MLLT3: variants seen among roughly 807,000 people sequenced by gnomAD.
MLLT3 encodes protein AF-9.
Under a neutral mutation model 53.2 loss-of-function variants are expected in MLLT3, and 4 were observed. The observed-to-expected ratio is 0.08, with a 90% CI of 0.04 to 0.17. The LOEUF is 0.17. Ranked by LOEUF, MLLT3 falls within the 10% of genes least tolerant of loss-of-function variation. The pLI is 1.00. For missense variants in MLLT3, 569 were observed against 684.0 expected (o/e 0.83, Z 1.87); for synonymous variants, 283 against 230.6 (o/e 1.23, Z -2.06).
At chr9:20,499,424 A>G (rs548957321) in intron 2 of MLLT3, among the ~76,000 whole-genome samples, 4 of 152,310 alleles carry the variant, frequency 2.6e-5, no homozygotes, top group African/African-American at 7.2e-5. Flanking sequence ...GAGGGTACAC[A>G]GGATATTTCT....
At chr9:20,574,823 T>G (rs373662002) in intron 2 of MLLT3, among the ~76,000 whole-genome samples, 7 of 152,358 alleles carry the variant, frequency 4.6e-5, no homozygotes, top group African/African-American at 1.7e-4. Context: ...TAGCATGTGA[T>G]GCCGTTTGAT....
chr9:20,382,013 A>C (rs1427714097), intron 5 of MLLT3, among the ~76,000 whole-genome samples: 1 of 151,892 alleles, frequency 6.6e-6, no homozygotes, highest in Non-Finnish European at 1.5e-5. Flanking sequence ...CTGGTAGATA[A>C]AATACTTGTA....
At chr9:20,419,045 T>C (rs377195929) in intron 4 of MLLT3, among the ~76,000 whole-genome samples, 23 of 152,192 alleles carry the variant, frequency 1.5e-4, no homozygotes, top group African/African-American at 5.3e-4. Flanking sequence ...CCAATGCACA[T>C]ATAAGTGACA....
chr9:20,360,882 G>C (rs1270077708), intron 7 of MLLT3, 41 bp from the exon 8 acceptor site: 5 of 1,522,808 alleles, frequency 3.3e-6, no homozygotes, highest in Non-Finnish European at 4.6e-6. Context: ...ATTACAAACA[G>C]ATGATTCTTG....
At chr9:20,553,195 A>T (rs1407987874) in intron 2 of MLLT3, among the ~76,000 whole-genome samples, 2 of 152,194 alleles carry the variant, frequency 1.3e-5, no homozygotes, top group Non-Finnish European at 2.9e-5. Context: ...AAGCCACTTA[A>T]AACAAAACAA....
intron 4 of MLLT3, among the ~76,000 whole-genome samples, chr9:20,429,403 A>G (rs1160513417): frequency 2.0e-5 from 3 of 152,096 alleles, no homozygotes; most frequent in Non-Finnish European, 4.4e-5. Flanking sequence ...AAGGAAACAT[A>G]TTTTATTTCC....
rs1264092813 is a variant in MLLT3, at chr9:20,363,486, G to C, written c.1321C>G (p.Arg441Gly). The change falls in exon 7 of 11, where the codon CGA becomes GGA. Residue 441 changes from arginine (R) to glycine (G), a missense_variant. Physicochemically the swap from Arg to Gly is moderately radical, Grantham distance 125. Coordinates refer to ENST00000380338, the MANE Select transcript of MLLT3 (RefSeq NM_004529.4). The part of the protein sequence containing the change: ...MERPVNRGGS[R>G]SRRVSLSDGS... ...TTCCAAGATACTCACCTGCGACTTCGGCTGCCTCCTCTATTTACAGGCCTC... is the reference window on the plus strand; with the variant it reads ...TTCCAAGATACTCACCTGCGACTTCCGCTGCCTCCTCTATTTACAGGCCTC... 1.9e-6 allele frequency: 3 copies of C among 1,613,426 alleles called. No individual in the cohort carries two copies. The highest frequency in any genetic ancestry group is 2.2e-5 in the East Asian group (1 of 44,838).
At chr9:20,601,970 G>A (rs978026740) in intron 2 of MLLT3, among the ~76,000 whole-genome samples, 3 of 152,020 alleles carry the variant, frequency 2.0e-5, no homozygotes, top group Admixed American at 6.6e-5. Flanking sequence ...CTAGACTCCA[G>A]GACTTTTCTT....
intron 2 of MLLT3, among the ~76,000 whole-genome samples, chr9:20,585,068 G>A (rs926500054): frequency 6.6e-6 from 1 of 152,122 alleles, no homozygotes; most frequent in African/African-American, 2.4e-5. Context: ...AATCTGTTCA[G>A]GTTGCCTTAA....
At chr9:20,443,638 G>A (rs1258411761) in intron 4 of MLLT3, among the ~76,000 whole-genome samples, 5 of 152,130 alleles carry the variant, frequency 3.3e-5, no homozygotes, top group African/African-American at 9.7e-5. Flanking sequence ...GTTTTCCTGT[G>A]AATAAATATT....
In MLLT3 at chr9:20,621,499, A is replaced by G. The variant is rs1261729013; in HGVS notation, c.13-665T>C. On this transcript the variant is annotated intron_variant, in intron 1 of 10. Transcript: ENST00000380338. The surrounding 1 kb of genome is among the most constrained non-coding windows in gnomAD (Gnocchi z 7.0). ...ACACGCCGAGGCATCCATAACTTAGAGCACCCCGCACCCCCCAGCGAAAAG... is the reference window on the plus strand; with the variant it reads ...ACACGCCGAGGCATCCATAACTTAGGGCACCCCGCACCCCCCAGCGAAAAG... 6.6e-6 allele frequency among the ~76,000 whole-genome samples: 1 copy of G among 152,056 alleles called. No individual in the cohort carries two copies. The highest frequency in any genetic ancestry group is 1.5e-5 in the Non-Finnish European group (1 of 67,992).
intron 3 of MLLT3, among the ~76,000 whole-genome samples, chr9:20,455,203 G>A (rs1823934115): frequency 6.6e-6 from 1 of 152,188 alleles, no homozygotes; most frequent in Non-Finnish European, 1.5e-5. Flanking sequence ...CGATTCAGTG[G>A]TATCACCACT....
At chr9:20,417,827 A>G (rs1822909300) in intron 4 of MLLT3, among the ~76,000 whole-genome samples, 1 of 152,194 alleles carries the variant, frequency 6.6e-6, no homozygotes, top group Non-Finnish European at 1.5e-5. Context: ...GGAGGACTTA[A>G]GAAAAAAATC....
chr9:20,606,461 T>C (rs930228979), intron 2 of MLLT3, among the ~76,000 whole-genome samples: 2 of 152,078 alleles, frequency 1.3e-5, no homozygotes, highest in Non-Finnish European at 2.9e-5. Flanking sequence ...AACAAAGTAA[T>C]AAGTGCTCAA....
rs1228913477 is a variant in MLLT3, at chr9:20,344,974, T to C, written c.*1469A>G. ...TCATTTCTCTTCTTTTCGGCTGAATTTCTAGTAAAAACTTTGAAGATGAGC... is the reference window on the plus strand; with the variant it reads ...TCATTTCTCTTCTTTTCGGCTGAATCTCTAGTAAAAACTTTGAAGATGAGC... On this transcript the variant is annotated 3_prime_UTR_variant, in exon 11 of 11. Transcript: ENST00000380338. The C allele has an allele frequency of 4.6e-6, 1 of 216,318 alleles. No homozygotes were observed. The highest frequency in any genetic ancestry group is 2.3e-5 in the African/African-American group (1 of 44,444). The allele number at this position is 216,318 out of a possible 1,614,324, so 13.4% of individuals were successfully genotyped here. A position where few individuals can be genotyped will look rare whatever the true frequency, so the allele number is the denominator to read the frequency against.
chr9:20,466,077 G>C (rs1185339082), intron 2 of MLLT3, among the ~76,000 whole-genome samples: 1 of 152,070 alleles, frequency 6.6e-6, no homozygotes, highest in East Asian at 1.9e-4. Flanking sequence ...ATGAAAAACT[G>C]AACAGTGGAA....
At chr9:20,545,209 T>C (rs1818755349) in intron 2 of MLLT3, among the ~76,000 whole-genome samples, 1 of 151,396 alleles carries the variant, frequency 6.6e-6, no homozygotes, top group African/African-American at 2.4e-5. Flanking sequence ...AAATGTGTTA[T>C]ATACATACAG....
At chr9:20,566,288 G>C (rs1028738608) in intron 2 of MLLT3, among the ~76,000 whole-genome samples, 3 of 151,358 alleles carry the variant, frequency 2.0e-5, no homozygotes, top group Non-Finnish European at 2.9e-5. Context: ...AGTCTACAGA[G>C]TGAGACTCCA....
intron 5 of MLLT3, among the ~76,000 whole-genome samples, chr9:20,406,005 G>T (rs368101910): frequency 5.3e-5 from 8 of 152,004 alleles, no homozygotes; most frequent in Non-Finnish European, 8.8e-5. Context: ...CCAGCTTCTC[G>T]GGAGGCTGAG....
Sources: allele counts gnomAD v4.1 joint callset (sites outside exome capture counted in the v4.1 genomes callset), GRCh38; gene constraint gnomAD v4.1.1; non-coding constraint Gnocchi (gnomAD v3.1); transcripts MANE v1.5; gene names NCBI Gene and HGNC (gene_info 2026-07-23, HGNC 2026-07-21).